The following IL1R2 variants were observed in gnomAD, a reference collection of about 807,000 sequenced individuals.
The protein encoded by IL1R2 is interleukin-1 receptor type 2.
A neutral mutation model predicts 39.5 loss-of-function variants in IL1R2; 46 were observed. That is an observed-to-expected ratio of 1.16 (90% CI 0.92 to 1.49). The LOEUF (loss-of-function observed/expected upper bound fraction) is 1.49. Ranked by LOEUF, IL1R2 falls within the 40% of genes most tolerant of loss-of-function variation. IL1R2 has a pLI of 0.00. For missense variants in IL1R2, 537 were observed against 502.0 expected, an observed-to-expected ratio of 1.07 and a Z score of -0.67; for synonymous variants, 207 against 189.6, an observed-to-expected ratio of 1.09 and a Z score of -0.75.
chr2:102,005,522 C>A (rs1291422659), intron 1 of IL1R2, among the ~76,000 whole-genome samples: 1 of 152,192 alleles, frequency 6.6e-6, no homozygotes, highest in Non-Finnish European at 1.5e-5. Context: ...ACGAAGCCAC[C>A]AAGGACTCAG....
chr2:101,999,919 T>C (rs998286488), intron 1 of IL1R2, among the ~76,000 whole-genome samples: 1 of 152,252 alleles, frequency 6.6e-6, no homozygotes, highest in East Asian at 1.9e-4. Context: ...AGAACACTTA[T>C]ATGTTCTATA....
chr2:102,015,983 G>A lies in IL1R2; in HGVS notation c.445G>A (p.Val149Ile), dbSNP rs182332579. Residue 149 changes from valine (V) to isoleucine (I), a missense_variant, in exon 4 of 9, where the codon GTA (valine) becomes ATA (isoleucine). Transcript: ENST00000332549. ...AATTTTAACCTTGTCAACCTCTGGG[G>A]TATTAGTATGCCCTGACCTGAGTGA... ...PQILTLSTSG[V>I]LVCPDLSEFT... 4 of 1,613,872 alleles carry A rather than the reference G, an allele frequency of 2.5e-6. No homozygotes were observed. The highest frequency in any genetic ancestry group is 1.7e-4 in the Middle Eastern group (1 of 6,060).
chr2:102,012,400 A>G (rs1361204190), intron 3 of IL1R2, among the ~76,000 whole-genome samples: 1 of 152,186 alleles, frequency 6.6e-6, no homozygotes, highest in Non-Finnish European at 1.5e-5. Flanking sequence ...AAAGAACCGG[A>G]GAAGTGAGAT....
Position 102,019,764 on chromosome 2 carries a change from G to A in IL1R2, c.640G>A (p.Glu214Lys), listed in dbSNP as rs780406755. The change falls in exon 5 of 9, where the codon GAA (glutamate) becomes AAA (lysine). Residue 214 changes from glutamate to lysine, a missense_variant. Coordinates refer to ENST00000332549, the MANE Select transcript of IL1R2 (RefSeq NM_004633.4). The stretch of plus-strand genomic sequence containing the variant: ...CCGCTGTGTCCTGACATTTGCCCAT[G>A]AAGGCCAGCAATACAACATCACTAG... ...YYRCVLTFAHEGQQYNITRSI... is the reference protein window; with the variant it reads ...YYRCVLTFAHKGQQYNITRSI... 5 of 1,614,082 alleles carry A rather than the reference G, an allele frequency of 3.1e-6. No individual in the cohort carries two copies. The highest frequency in any genetic ancestry group is 4.2e-6 in the Non-Finnish European group (5 of 1,180,038).
At position 101,996,708 on chromosome 2, in the gene IL1R2, A is replaced by G. The variant is rs560973768; in HGVS notation, c.-62+4697A>G. 4.6e-5 allele frequency among the ~76,000 whole-genome samples: 7 copies of G among 151,426 alleles called. No individual in the cohort carries two copies. In the East Asian group the frequency reaches 1.4e-3, roughly 29 times the overall value. On this transcript the variant is annotated intron_variant, in intron 1 of 8. Transcript: ENST00000332549. ...AAGAAAATATTTCCAAAACATACAT[A>G]TGTATATATAGTAGTGAGTATATAT...
At chr2:102,012,131 T>C (rs1676677898) in intron 3 of IL1R2, among the ~76,000 whole-genome samples, 1 of 152,230 alleles carries the variant, frequency 6.6e-6, no homozygotes. Context: ...CTCAGCTTGA[T>C]TGGGAACTAG....
At chr2:102,020,679 T>C (rs929356233) in intron 5 of IL1R2, among the ~76,000 whole-genome samples, 2 of 152,250 alleles carry the variant, frequency 1.3e-5, no homozygotes, top group Non-Finnish European at 2.9e-5. Flanking sequence ...TTTACAGTCC[T>C]GTGAGGATTC....
chr2:101,997,487 G>C (rs1168886658), intron 1 of IL1R2, among the ~76,000 whole-genome samples: 1 of 152,198 alleles, frequency 6.6e-6, no homozygotes, highest in African/African-American at 2.4e-5. Flanking sequence ...GGGCCTTGGG[G>C]AAGTGGTTAT....
intron 1 of IL1R2, among the ~76,000 whole-genome samples, chr2:102,003,035 T>C (rs1484091091): frequency 1.0e-5 from 1 of 96,836 alleles, no homozygotes; most frequent in African/African-American, 2.9e-5. Flanking sequence ...TGTGTCTGTG[T>C]CTATGCCTAT....
At position 102,009,355 on chromosome 2, in the gene IL1R2, G is replaced by T. The variant is rs146820084; in HGVS notation, c.68-207G>T. 1.1e-3 allele frequency among the ~76,000 whole-genome samples: 166 copies of T among 152,310 alleles called. 2 individuals are homozygous for T. The highest frequency in any genetic ancestry group is 3.7e-3 in the African/African-American group (155 of 41,562). ...ATAGTAGCACTGAACTTGTTATTTG[G>T]AAATTTTGAAAGTATAATAACGGGG... On this transcript the variant is annotated intron_variant, in intron 2 of 8. Transcript: ENST00000332549.
chr2:102,014,713 A>G (rs1223598312), intron 3 of IL1R2, among the ~76,000 whole-genome samples: 5 of 151,818 alleles, frequency 3.3e-5, no homozygotes, highest in African/African-American at 4.8e-5. Flanking sequence ...TTTTACCCCT[A>G]TATGTAAAAC....
At chr2:102,011,455 G>T (rs1478464284) in intron 3 of IL1R2, among the ~76,000 whole-genome samples, 1 of 152,116 alleles carries the variant, frequency 6.6e-6, no homozygotes. Context: ...GTCTCTCATT[G>T]TGGCTTTGAT....
At chr2:102,017,444 G>A (rs1677079152) in intron 4 of IL1R2, among the ~76,000 whole-genome samples, 1 of 151,508 alleles carries the variant, frequency 6.6e-6, no homozygotes, top group African/African-American at 2.4e-5. Flanking sequence ...TGGGTTAAGG[G>A]AGCAAATATG....
chr2:101,993,604 TTC>T (rs1230530702), intron 1 of IL1R2, among the ~76,000 whole-genome samples: 1 of 151,992 alleles, frequency 6.6e-6, no homozygotes, highest in African/African-American at 2.4e-5. Flanking sequence ...CTGTCTCTGT[TTC>T]TCTCTTTCTG....
In IL1R2 at chr2:102,026,260, A is replaced by G. The variant is rs760333497; in HGVS notation, c.1030+7A>G. On this transcript the variant is annotated splice_region_variant and intron_variant, in intron 8 of 8. Transcript: ENST00000332549. ...CGCACCACAGTCAAGGAAGGTATGT[A>G]TGTATTTTGGGGAGCACTATAGGAG... is the stretch of plus-strand genomic sequence containing the variant. 7.5e-6 allele frequency: 12 copies of G among 1,603,974 alleles called. No homozygotes were observed. The East Asian group carries it at 2.5e-4, about 33-fold the overall frequency.
At chr2:102,002,060 C>G (rs1269320080) in intron 1 of IL1R2, 1 of 152,154 alleles carries the variant, frequency 6.6e-6, no homozygotes, top group Admixed American at 6.5e-5. Flanking sequence ...GTTTCATCTT[C>G]TAGGTGAATT....
At position 102,019,697 on chromosome 2, in the gene IL1R2, C is replaced by T; in HGVS notation, c.573C>T (p.His191=). 6.2e-7 allele frequency: 1 copy of T among 1,613,898 alleles called. No homozygotes were observed. Among genetic ancestry groups the T allele is most frequent in the Non-Finnish European group, 8.5e-7 (1 of 1,179,756 alleles). Residue 191 remains histidine (H), a synonymous_variant, in exon 5 of 9, where the codon CAC becomes CAT. Coordinates refer to ENST00000332549, the MANE Select transcript of IL1R2 (RefSeq NM_004633.4). ...TTCTAAGTGTGAGGGGGACCACTCA[C>T]TTACTCGTACACGATGTGGCCCTGG... ...EKFLSVRGTT[H]LLVHDVALED... is the part of the protein sequence containing the mutation.
chr2:102,009,689 C>A lies in IL1R2; in HGVS notation c.195C>A (p.Ile65=). 1.2e-6 allele frequency: 2 copies of A among 1,614,202 alleles called. No homozygotes were observed. The highest frequency in any genetic ancestry group is 1.7e-6 in the Non-Finnish European group (2 of 1,180,036). ...TGTGGGCCTCTGTCAGCCCCCGCATCAACCTGACATGGCATAAAAATGACT... is the reference window on the plus strand; with the variant it reads ...TGTGGGCCTCTGTCAGCCCCCGCATAAACCTGACATGGCATAAAAATGACT... ...YWLWASVSPR[I]NLTWHKNDSA... Residue 65 remains isoleucine, a synonymous_variant, in exon 3 of 9, where the codon ATC becomes ATA. Transcript: ENST00000332549.
chr2:101,993,646 C>T (rs1277626416), intron 1 of IL1R2, among the ~76,000 whole-genome samples: 2 of 152,018 alleles, frequency 1.3e-5, no homozygotes, highest in East Asian at 3.9e-4. Flanking sequence ...CTCTGTTTCT[C>T]CCTATCTCTG....
Sources: gnomAD v4.1 joint callset for allele counts (sites outside exome capture counted in the v4.1 genomes callset) on GRCh38, gnomAD v4.1.1 for gene constraint, MANE v1.5 for transcripts, NCBI Gene and HGNC (gene_info 2026-07-23, HGNC 2026-07-21) for gene names.